CCAR1: variants seen among roughly 807,000 people sequenced by gnomAD.
CCAR1 encodes cell division cycle and apoptosis regulator 1, also known as cell division cycle and apoptosis regulator protein 1.
Under a neutral mutation model 163.8 loss-of-function variants are expected in CCAR1, and 78 were observed. That is an observed-to-expected ratio of 0.48 (90% confidence interval 0.40 to 0.57). CCAR1 has a LOEUF of 0.57. Ranked by LOEUF, CCAR1 falls within the 20% of genes least tolerant of loss-of-function variation. CCAR1 has a pLI of 0.00. For synonymous variants in CCAR1, 443 were observed against 460.7 expected (o/e 0.96, Z 0.49); for missense variants, 1,019 against 1,365.2 (o/e 0.75, Z 4.00).
chr10:68,773,198 C>A, intron 19 of CCAR1, 99 bp downstream of exon 19: 1 of 641,922 alleles, frequency 1.6e-6, no homozygotes, highest in Middle Eastern at 3.1e-4. Flanking sequence ...ACATTTTTTT[C>A]TTTAGAATAG....
At chr10:68,774,551 A>G (rs957695868) in intron 19 of CCAR1, among the ~76,000 whole-genome samples, 15 of 151,954 alleles carry the variant, frequency 9.9e-5, no homozygotes, top group African/African-American at 3.6e-4. Flanking sequence ...GAATGGCTTG[A>G]ACTCGGGAGG....
Position 68,747,555 on chromosome 10 carries a change from C to G in CCAR1, c.815C>G (p.Pro272Arg). The change falls in exon 8 of 25, where the codon CCT (proline) becomes CGT (arginine). Residue 272 changes from proline (P) to arginine (R), a missense_variant. By Grantham distance (103) the Pro-to-Arg change is moderately radical (BLOSUM62 -2). This residue lies in a region of CCAR1 where 644 missense variants were observed against 904.4 expected (regional missense o/e 0.71). Transcript: ENST00000265872. ...CAACCACAGCCCTTATTACAGCAGC[C>G]TCAGCAAAAAGGTATCTTTGCTTTT... ...QTQPQPLLQQ[P>R]QQKAGLLQPP... The G allele has an allele frequency of 6.2e-7, 1 of 1,610,248 alleles. No individual in the cohort carries two copies. The highest frequency in any genetic ancestry group is 8.5e-7 in the Non-Finnish European group (1 of 1,178,516).
At chr10:68,751,625 G>A (rs1469640093) in intron 10 of CCAR1, among the ~76,000 whole-genome samples, 1 of 151,888 alleles carries the variant, frequency 6.6e-6, no homozygotes, top group Non-Finnish European at 1.5e-5. Context: ...CACTTCAGGA[G>A]GCTGAGGCGG....
intron 11 of CCAR1, 127 bp downstream of exon 11, chr10:68,754,204 C>G: frequency 9.9e-6 from 6 of 603,038 alleles, no homozygotes; most frequent in Non-Finnish European, 8.4e-6. Context: ...TTCTTAACTG[C>G]TTGATCCTAT....
chr10:68,749,266 G>T lies in CCAR1; in HGVS notation c.956+1G>T. On this transcript the variant is annotated splice_donor_variant, in intron 9 of 24. Coordinates refer to ENST00000265872, the MANE Select transcript of CCAR1 (RefSeq NM_018237.4). LOFTEE classifies it high-confidence loss of function. ...TGCCTAACAGAAAAGATGATCGAAG[G>T]TATATTTTCTAAAGTGTACTGTGGA... is the stretch of plus-strand genomic sequence containing the variant. The T allele has an allele frequency of 6.2e-7, 1 of 1,606,472 alleles. No individual in the cohort carries two copies. Among genetic ancestry groups the T allele is most frequent in the Non-Finnish European group, 8.5e-7 (1 of 1,177,744 alleles).
At chr10:68,748,999 T>C (rs2056296351) in intron 8 of CCAR1, 137 bp from the exon 9 acceptor site, 2 of 952,450 alleles carry the variant, frequency 2.1e-6, no homozygotes, top group East Asian at 2.7e-5. Flanking sequence ...TTTAAAAATA[T>C]ATATAAATTA....
intron 17 of CCAR1, among the ~76,000 whole-genome samples, chr10:68,770,874 G>A (rs1055908219): frequency 1.2e-4 from 19 of 152,150 alleles, no homozygotes; most frequent in African/African-American, 3.9e-4. Context: ...TCAGGAGATC[G>A]AGACCATCCT....
At chr10:68,761,452 G>A (rs1321411797) in intron 16 of CCAR1, among the ~76,000 whole-genome samples, 2 of 150,292 alleles carry the variant, frequency 1.3e-5, no homozygotes, top group South Asian at 2.1e-4. Context: ...GATTACAGGC[G>A]CCCGCCACTA....
intron 19 of CCAR1, among the ~76,000 whole-genome samples, chr10:68,775,601 C>T (rs1472453881): frequency 6.6e-6 from 1 of 151,124 alleles, no homozygotes; most frequent in Non-Finnish European, 1.5e-5. Flanking sequence ...CCTCTGCCTC[C>T]CGGGTTCAAG....
chr10:68,764,951 C>G (rs1348408877), intron 16 of CCAR1, among the ~76,000 whole-genome samples: 1 of 152,154 alleles, frequency 6.6e-6, no homozygotes, highest in Non-Finnish European at 1.5e-5. Context: ...TGGGATTTGA[C>G]CTCAATACTT....
At chr10:68,730,696 T>C (rs1217245232) in intron 2 of CCAR1, among the ~76,000 whole-genome samples, 1 of 152,138 alleles carries the variant, frequency 6.6e-6, no homozygotes, top group East Asian at 1.9e-4. Context: ...TTAATTTTTT[T>C]AATTTAATTT....
intron 2 of CCAR1, among the ~76,000 whole-genome samples, chr10:68,733,550 C>T (rs1052971912): frequency 6.6e-6 from 1 of 152,102 alleles, no homozygotes; most frequent in African/African-American, 2.4e-5. Context: ...GGCCTGAAAT[C>T]CCAGCACTTT....
intron 2 of CCAR1, among the ~76,000 whole-genome samples, chr10:68,729,309 G>A (rs1205543429): frequency 1.4e-5 from 2 of 147,790 alleles, no homozygotes; most frequent in Non-Finnish European, 3.0e-5. Context: ...TTGCTCTGTC[G>A]CCCATGCTGG....
chr10:68,772,573 G>A (rs947933967), intron 18 of CCAR1, among the ~76,000 whole-genome samples: 2 of 151,768 alleles, frequency 1.3e-5, no homozygotes, highest in African/African-American at 4.8e-5. Context: ...GTAATTTAAT[G>A]TGTGGTGGGA....
chr10:68,732,339 T>A (rs981960444), intron 2 of CCAR1, among the ~76,000 whole-genome samples: 4 of 147,112 alleles, frequency 2.7e-5, no homozygotes, highest in Admixed American at 1.3e-4. Context: ...AGAACAGTTT[T>A]GTTTGTTTGT....
chr10:68,786,922 T>C lies in CCAR1; in HGVS notation c.2880+230T>C, dbSNP rs1354760021. Reference sequence around the variant, plus strand: ...CAACATGGCGTAGCTCCGTCTCTACTAAAAATGCAAAAATTAGCTGGGTGT... The same window carrying C: ...CAACATGGCGTAGCTCCGTCTCTACCAAAAATGCAAAAATTAGCTGGGTGT... On this transcript the variant is annotated intron_variant, in intron 21 of 24. Transcript: ENST00000265872. 1.8e-5 allele frequency: 6 copies of C among 326,954 alleles called. No individual in the cohort carries two copies. The East Asian group carries it at 2.9e-4, about 16-fold the overall frequency. The allele number at this position is 326,954 out of a possible 1,614,324, so 20.3% of individuals were successfully genotyped here. A position where few individuals can be genotyped will look rare whatever the true frequency, so the allele number is the denominator to read the frequency against.
chr10:68,730,047 G>C lies in CCAR1; in HGVS notation c.74-6829G>C, dbSNP rs150394289. On this transcript the variant is annotated intron_variant, in intron 2 of 24. Coordinates refer to ENST00000265872, the MANE Select transcript of CCAR1 (RefSeq NM_018237.4). ...CGATTCTTCTGCCTCAGCCTCCTGA[G>C]TAGCTGGGATTATAGGCACACGTGC... Among the ~76,000 whole-genome samples, 922 of 152,048 alleles carry C rather than the reference G, an allele frequency of 6.1e-3. 7 individuals are homozygous for C. The highest frequency in any genetic ancestry group is 0.021 in the African/African-American group (882 of 41,466).
At chr10:68,784,054 G>A (rs928848770) in intron 19 of CCAR1, among the ~76,000 whole-genome samples, 1 of 152,020 alleles carries the variant, frequency 6.6e-6, no homozygotes, top group African/African-American at 2.4e-5. Context: ...CACTGCGCCC[G>A]GCCAATTGTT....
chr10:68,762,275 G>T (rs1468097693), intron 16 of CCAR1, among the ~76,000 whole-genome samples: 2 of 151,638 alleles, frequency 1.3e-5, no homozygotes, highest in Admixed American at 6.6e-5. Flanking sequence ...CTTGCAGTGA[G>T]CCCAGATTGC....
Sources: allele counts gnomAD v4.1 joint callset (sites outside exome capture counted in the v4.1 genomes callset), GRCh38; gene constraint gnomAD v4.1.1; regional missense constraint gnomAD v4.1.1; transcripts MANE v1.5; gene names NCBI Gene and HGNC (gene_info 2026-07-23, HGNC 2026-07-21).